The following PFKFB2 variants were observed in gnomAD, a reference collection of about 807,000 sequenced individuals.
PFKFB2 encodes the protein 6-phosphofructo-2-kinase/fructose-2,6-bisphosphatase 2.
PFKFB2 carries 53 observed loss-of-function variants against 68.0 expected under a neutral mutation model. That is an observed-to-expected ratio of 0.78 (90% confidence interval 0.63 to 0.98). The LOEUF (loss-of-function observed/expected upper bound fraction) is 0.98, where lower values mean the gene tolerates loss of function less well. PFKFB2 is among the 50% of genes least tolerant of loss of function. The pLI, the probability that PFKFB2 is intolerant of heterozygous loss-of-function variation, is 0.00. For missense variants in PFKFB2, 451 were observed against 642.0 expected (o/e 0.70, Z 3.22); for synonymous variants, 222 against 227.6 (o/e 0.98, Z 0.22).
Position 207,067,603 on chromosome 1 carries a change from ACG to A in PFKFB2, c.738_739del (p.Val247ProfsTer24). On this transcript the variant is annotated frameshift_variant, in exon 9 of 15. Transcript: ENST00000367080. LOFTEE classifies it high-confidence loss of function. The stretch of plus-strand genomic sequence containing the variant: ...ATAGTCTACTACCTCATGAATATCC[ACG>A]TCCAGCCTCGCACCATTTACCTTTG... The A allele has an allele frequency of 6.2e-7, 1 of 1,613,900 alleles. No individual in the cohort carries two copies. The highest frequency in any genetic ancestry group is 2.2e-5 in the East Asian group (1 of 44,866).
chr1:207,067,378 A>G, intron 8 of PFKFB2, 121 bp from the exon 9 acceptor site: 2 of 671,784 alleles, frequency 3.0e-6, no homozygotes, highest in East Asian at 2.6e-5. Context: ...CGTGGGTGTG[A>G]CAGAGGAGGG....
chr1:207,054,817 A>T lies in PFKFB2; in HGVS notation c.85+15A>T. ...GAAGAAATGTTGTGAGTTCTGGCAG[A>T]GAGGAGGGACTGCTCTCTCTCAGCA... On this transcript the variant is annotated intron_variant, in intron 2 of 14. Transcript: ENST00000367080. The T allele has an allele frequency of 6.3e-7, 1 of 1,583,914 alleles. No individual in the cohort carries two copies. The highest frequency in any genetic ancestry group is 8.7e-7 in the Non-Finnish European group (1 of 1,153,972).
chr1:207,060,060 G>A (rs1197414722), intron 2 of PFKFB2, among the ~76,000 whole-genome samples: 1 of 152,206 alleles, frequency 6.6e-6, no homozygotes, highest in Non-Finnish European at 1.5e-5. Flanking sequence ...TGACCTCAGT[G>A]TGGTTTTTGG....
At chr1:207,044,376 C>T (rs1010012396) in intron 2 of PFKFB2, 1 of 152,494 alleles carries the variant, frequency 6.6e-6, no homozygotes, top group Non-Finnish European at 1.5e-5. Context: ...ACCAATGTGA[C>T]TGGAAAACTG....
intron 8 of PFKFB2, among the ~76,000 whole-genome samples, chr1:207,066,482 A>G (rs1044931817): frequency 3.9e-4 from 59 of 152,226 alleles, no homozygotes; most frequent in African/African-American, 1.4e-3. Context: ...ACCTCTAGAT[A>G]TGGCATAAAA....
At chr1:207,050,824 C>T, upstream of PFKFB2, 1 of 1,613,224 alleles carries the variant, frequency 6.2e-7, no homozygotes, top group Non-Finnish European at 8.5e-7. Flanking sequence ...GGAGTTCCCG[C>T]ACCCGGGTCC....
At chr1:207,041,097 T>G (rs1049526150) in intron 1 of PFKFB2, among the ~76,000 whole-genome samples, 2 of 151,700 alleles carry the variant, frequency 1.3e-5, no homozygotes, top group African/African-American at 4.8e-5. Flanking sequence ...CCCGGCTACT[T>G]TTTGTATTTT....
Position 207,070,488 on chromosome 1 carries a change from A to ACAGGGAGGTCTGTTTCC in PFKFB2, c.1222+82_1222+83insGGAGGTCTGTTTCCCAG. The ACAGGGAGGTCTGTTTCC allele has an allele frequency of 6.7e-7, 1 of 1,502,670 alleles. No homozygotes were observed. The highest frequency in any genetic ancestry group is 9.1e-7 in the Non-Finnish European group (1 of 1,097,366). 93.1% of individuals were successfully genotyped at this position (1,502,670 alleles called of 1,614,324 possible). A position where few individuals can be genotyped will look rare whatever the true frequency, so the allele number is the denominator to read the frequency against. ...GCAGTGGCACCAGGATTCCTGGGAA[A>ACAGGGAGGTCTGTTTCC]CAGACCTCCCTGTCTCCACTCAAAT... On this transcript the variant is annotated intron_variant, in intron 12 of 14. Transcript: ENST00000367080. The surrounding 1 kb of genome is among the most constrained non-coding windows in gnomAD (Gnocchi z 4.2).
At chr1:207,042,349 C>A (rs1235952929) in intron 2 of PFKFB2, 7 of 151,756 alleles carry the variant, frequency 4.6e-5, no homozygotes, top group Non-Finnish European at 7.4e-5. Flanking sequence ...GAGATCAAGA[C>A]CATCCTGGCT....
At chr1:207,065,309 CT>C in intron 8 of PFKFB2, 149 bp downstream of exon 8, 1 of 1,431,918 alleles carries the variant, frequency 7.0e-7, no homozygotes, top group Non-Finnish European at 9.2e-7. Flanking sequence ...GGATTTGTGG[CT>C]TTTATGTGGA....
chr1:207,072,362 G>A lies in PFKFB2; in HGVS notation c.1509G>A (p.Gly503=). Reference sequence around the variant, plus strand: ...TCCGTGCCCAGGACATGCAAGAAGGGGCCGACTAGCCGAAGACCCAAGTCA... The same window carrying A: ...TCCGTGCCCAGGACATGCAAGAAGGAGCCGACTAGCCGAAGACCCAAGTCA... ...SPLRAQDMQE[G]AD Residue 503 remains glycine (G), a synonymous_variant, in exon 15 of 15, where the codon GGG becomes GGA. Transcript: ENST00000367080. The A allele has an allele frequency of 6.2e-7, 1 of 1,612,856 alleles. No homozygotes were observed. Among genetic ancestry groups the A allele is most frequent in the Non-Finnish European group, 8.5e-7 (1 of 1,179,494 alleles).
chr1:207,054,925 T>C (rs781072526), intron 2 of PFKFB2, 123 bp downstream of exon 2: 5 of 695,300 alleles, frequency 7.2e-6, no homozygotes, highest in South Asian at 1.8e-5. Context: ...GGAAATTTAA[T>C]GCAAAGTCTC....
intron 1 of PFKFB2, among the ~76,000 whole-genome samples, chr1:207,041,230 ATTTT>A (rs750591427): frequency 7.0e-6 from 1 of 142,034 alleles, no homozygotes; most frequent in African/African-American, 2.6e-5. Flanking sequence ...GCCTGGCCAG[ATTTT>A]TTTTTTTTTT....
Position 207,074,426 on chromosome 1 carries a change from T to C in PFKFB2, c.*2055T>C. 1.0e-6 allele frequency: 1 copy of C among 985,428 alleles called. No homozygotes were observed. Among genetic ancestry groups the C allele is most frequent in the Non-Finnish European group, 1.2e-6 (1 of 829,934 alleles). The allele number at this position is 985,428 out of a possible 1,614,324, so 61.0% of individuals were successfully genotyped here. On this transcript the variant is annotated 3_prime_UTR_variant, in exon 15 of 15. Coordinates refer to ENST00000367080, the MANE Select transcript of PFKFB2 (RefSeq NM_006212.2). ...GGAACAAATCACTGAATTAAATAATTGTCTCTAGAGAGCAGCTGGGGATTT... is the reference window on the plus strand; with the variant it reads ...GGAACAAATCACTGAATTAAATAATCGTCTCTAGAGAGCAGCTGGGGATTT...
At chr1:207,050,993 T>C, upstream of PFKFB2, 3 of 1,532,676 alleles carry the variant, frequency 2.0e-6, no homozygotes, top group Non-Finnish European at 2.6e-6. Context: ...AGGCGCCGGG[T>C]GGACTCCAAA....
chr1:207,038,885 G>A (rs1682428499), intron 1 of PFKFB2, among the ~76,000 whole-genome samples: 1 of 152,072 alleles, frequency 6.6e-6, no homozygotes, highest in Admixed American at 6.5e-5. Flanking sequence ...GAAGTTCCTG[G>A]TATGACATTA....
rs933613156 is a variant in PFKFB2 at position 207,072,679 on chromosome 1, G to A, written c.*308G>A. The A allele has an allele frequency of 7.3e-5, 81 of 1,114,738 alleles. No individual in the cohort carries two copies. The highest frequency in any genetic ancestry group is 1.1e-4 in the African/African-American group (7 of 61,358). 69.1% of individuals were successfully genotyped at this position (1,114,738 alleles called of 1,614,324 possible). A position where few individuals can be genotyped will look rare whatever the true frequency, so the allele number is the denominator to read the frequency against. ...GATACACTCCCTTGGGGCTGAGCAT[G>A]CCCCACACTCTTGGATCTTCTCTCT... On this transcript the variant is annotated 3_prime_UTR_variant, in exon 15 of 15. Coordinates refer to ENST00000367080, the MANE Select transcript of PFKFB2 (RefSeq NM_006212.2).
chr1:207,063,234 T>C lies in PFKFB2; in HGVS notation c.375+25T>C, dbSNP rs1683169616. 1 of 1,609,000 alleles carries C rather than the reference T, an allele frequency of 6.2e-7. No homozygotes were observed. The highest frequency in any genetic ancestry group is 1.1e-5 in the South Asian group (1 of 90,980). On this transcript the variant is annotated intron_variant, in intron 5 of 14. Transcript: ENST00000367080. The surrounding 1 kb of genome is among the most constrained non-coding windows in gnomAD (Gnocchi z 4.1). The stretch of plus-strand genomic sequence containing the variant: ...GGTAAGCTTTATCTGCTGCTTCTTC[T>C]TTCTGGTCCCCACCCTTGCAGCAGC...
downstream of PFKFB2, chr1:207,078,925 C>G: frequency 6.3e-7 from 1 of 1,598,336 alleles, no homozygotes; most frequent in Non-Finnish European, 8.6e-7. Flanking sequence ...GCTGTAATAG[C>G]TTTGTGTCTC....
Sources: gnomAD v4.1 joint callset for allele counts (sites outside exome capture counted in the v4.1 genomes callset) on GRCh38, gnomAD v4.1.1 for gene constraint, Gnocchi (gnomAD v3.1) non-coding constraint, MANE v1.5 for transcripts, NCBI Gene and HGNC (gene_info 2026-07-23, HGNC 2026-07-21) for gene names.